Variants in TRPC4 observed in about 807,000 individuals in gnomAD.
The protein encoded by TRPC4 is transient receptor potential cation channel subfamily C member 4, also known as short transient receptor potential channel 4.
Under a neutral mutation model 99.4 loss-of-function variants are expected in TRPC4, and 49 were observed. The ratio of observed to expected loss-of-function variants is 0.49; its 90% CI spans 0.39 to 0.63. The LOEUF is 0.63. TRPC4 is among the 20% of genes least tolerant of loss of function. The probability of loss-of-function intolerance (pLI) is 0.00; values close to 1 mark genes in which losing one functional copy is unlikely to be tolerated. For synonymous variants in TRPC4, 454 were observed against 425.9 expected (o/e 1.07, Z -0.81); for missense variants, 898 against 1,152.9 (o/e 0.78, Z 3.20).
chr13:37,660,609 T>G (rs954617049), intron 6 of TRPC4, among the ~76,000 whole-genome samples: 2 of 152,162 alleles, frequency 1.3e-5, no homozygotes, highest in African/African-American at 4.8e-5. Flanking sequence ...TGAAACCTTA[T>G]GAGAGATATG....
chr13:37,793,344 G>A lies in TRPC4; in HGVS notation c.-27-9984C>T, dbSNP rs529585122. Among the ~76,000 whole-genome samples the A allele has an allele frequency of 1.4e-4, 22 of 152,084 alleles. No homozygotes were observed. In the South Asian group the frequency reaches 4.4e-3, roughly 30 times the overall value. ...GTACACGTGCACAATGTGCAGGTTT[G>A]TTACATATATATACATGTGCCATGT... On this transcript the variant is annotated intron_variant, in intron 1 of 10. Transcript: ENST00000379705.
At chr13:37,754,161 CT>C (rs1051473255) in intron 2 of TRPC4, among the ~76,000 whole-genome samples, 1 of 152,090 alleles carries the variant, frequency 6.6e-6, no homozygotes, top group Non-Finnish European at 1.5e-5. Context: ...AATGGGCTTG[CT>C]GCCCCTTTTC....
In TRPC4 at chr13:37,637,130, T is replaced by G. The variant is rs758509700; in HGVS notation, c.2707A>C (p.Ser903Arg). The change falls in exon 11 of 11, where the codon AGT becomes CGT. Residue 903 changes from serine (S) to arginine (R), a missense_variant. This residue lies in a region of TRPC4 where 346 missense variants were observed against 351.4 expected (regional missense o/e 0.98). Coordinates refer to ENST00000379705, the MANE Select transcript of TRPC4 (RefSeq NM_016179.4). ...TGGTCTACTAACACACATTGTTCAC[T>G]GAGACCGGGAATGCTCAGGTCACCC... is the stretch of plus-strand genomic sequence containing the variant. ...SRGDLSIPGL[S>R]EQCVLVDHRE... 1.6e-5 allele frequency: 26 copies of G among 1,613,724 alleles called. No individual in the cohort carries two copies. The highest frequency in any genetic ancestry group is 7.7e-5 in the South Asian group (7 of 91,084).
Position 37,783,293 on chromosome 13 carries a change from T to C in TRPC4, c.41A>G (p.Tyr14Cys), listed in dbSNP as rs1003174918. 1.9e-5 allele frequency: 31 copies of C among 1,599,086 alleles called. No homozygotes were observed. The highest frequency in any genetic ancestry group is 2.6e-5 in the Non-Finnish European group (31 of 1,174,518). The change falls in exon 2 of 11, where the codon TAT becomes TGT. Residue 14 changes from tyrosine to cysteine, a missense_variant. Physicochemically the swap from Tyr to Cys is radical, Grantham distance 194 (BLOSUM62 -2). Around this residue, in one of 3 missense-constraint regions of TRPC4, gnomAD observed 278 missense variants for 346.6 expected, o/e 0.80. Coordinates refer to ENST00000379705, the MANE Select transcript of TRPC4 (RefSeq NM_016179.4). ...FYYKRNVNAP[Y>C]RDRIPLRIVR... ...TATCCTTAGAGGGATGCGGTCTCTATAGGGAGCATTAACATTTCTTTTGTA... is the reference window on the plus strand; with the variant it reads ...TATCCTTAGAGGGATGCGGTCTCTACAGGGAGCATTAACATTTCTTTTGTA...
chr13:37,716,023 C>T (rs1292879518), intron 3 of TRPC4, among the ~76,000 whole-genome samples: 1 of 152,128 alleles, frequency 6.6e-6, no homozygotes, highest in Non-Finnish European at 1.5e-5. Flanking sequence ...TTTTAAGAGC[C>T]TCAAGACCTG....
rs772784345 is a variant in TRPC4 at position 37,651,324 on chromosome 13, A to G, written c.2020T>C (p.Trp674Arg). ...KSLWYLIKWI[W>R]THLCKKKMRR... ...ATCTTTTTCTTGCACAAGTGTGTCCAGATCCATTTGATCAGGTACCAGAGA... is the reference window on the plus strand; with the variant it reads ...ATCTTTTTCTTGCACAAGTGTGTCCGGATCCATTTGATCAGGTACCAGAGA... The change falls in exon 8 of 11, where the codon TGG (tryptophan) becomes CGG (arginine). Residue 674 changes from tryptophan (W) to arginine (R), a missense_variant. Physicochemically the swap from Trp to Arg is moderately radical, Grantham distance 101. Around this residue, in one of 3 missense-constraint regions of TRPC4, gnomAD observed 274 missense variants for 454.9 expected, o/e 0.60. Coordinates refer to ENST00000379705, the MANE Select transcript of TRPC4 (RefSeq NM_016179.4). The G allele has an allele frequency of 1.9e-6, 3 of 1,614,186 alleles. No individual in the cohort carries two copies. The highest frequency in any genetic ancestry group is 1.7e-5 in the Admixed American group (1 of 60,022).
In TRPC4 at chr13:37,674,136, T is replaced by C. The variant is rs1952960274; in HGVS notation, c.1374+92A>G. 4 of 1,244,504 alleles carry C rather than the reference T, an allele frequency of 3.2e-6. No homozygotes were observed. The South Asian group carries it at 8.1e-5, about 25-fold the overall frequency. The allele number at this position is 1,244,504 out of a possible 1,614,324, so 77.1% of individuals were successfully genotyped here. ...TGAATACGACATCCGGAAAAAGCTC[T>C]AGGTAACTTTATTAATAAAATTAAT... On this transcript the variant is annotated intron_variant, in intron 5 of 10. Coordinates refer to ENST00000379705, the MANE Select transcript of TRPC4 (RefSeq NM_016179.4).
At chr13:37,827,929 A>G (rs1446307597) in intron 1 of TRPC4, among the ~76,000 whole-genome samples, 5 of 151,986 alleles carry the variant, frequency 3.3e-5, no homozygotes, top group South Asian at 2.1e-4. Flanking sequence ...GCGAGACTCC[A>G]TGGGCGTAGG....
At chr13:37,779,543 T>A (rs1286868008) in intron 2 of TRPC4, among the ~76,000 whole-genome samples, 2 of 152,032 alleles carry the variant, frequency 1.3e-5, no homozygotes, top group Non-Finnish European at 2.9e-5. Flanking sequence ...ATCTTTTCAT[T>A]ACATGCTGCA....
At chr13:37,700,639 A>G (rs1954075875) in intron 3 of TRPC4, among the ~76,000 whole-genome samples, 1 of 152,134 alleles carries the variant, frequency 6.6e-6, no homozygotes, top group African/African-American at 2.4e-5. Flanking sequence ...TTTTAGAAAA[A>G]ATTAAATTGT....
At chr13:37,868,645 T>A (rs1275714118) in intron 1 of TRPC4, among the ~76,000 whole-genome samples, 3 of 151,786 alleles carry the variant, frequency 2.0e-5, no homozygotes, top group African/African-American at 7.3e-5. Context: ...TTTTTTTTTT[T>A]AATAAAACAA....
rs187988336 is a variant in TRPC4, at chr13:37,852,527, C to T, written c.-28+17068G>A. 7.2e-5 allele frequency among the ~76,000 whole-genome samples: 11 copies of T among 152,250 alleles called. No individual in the cohort carries two copies. In the East Asian group the frequency reaches 1.7e-3, roughly 24 times the overall value. Reference sequence around the variant, plus strand: ...AGACATGCTGGCTTCAGATGTGACCCAGAAGATTCCCAGCAATGGTGGCTA... The same window carrying T: ...AGACATGCTGGCTTCAGATGTGACCTAGAAGATTCCCAGCAATGGTGGCTA... On this transcript the variant is annotated intron_variant, in intron 1 of 10. Transcript: ENST00000379705.
chr13:37,780,089 C>T (rs1956801367), intron 2 of TRPC4, among the ~76,000 whole-genome samples: 1 of 152,052 alleles, frequency 6.6e-6, no homozygotes, highest in Non-Finnish European at 1.5e-5. Flanking sequence ...AGGACGAGGC[C>T]TGGCAGAGCA....
At chr13:37,665,534 G>A (rs1000446351) in intron 5 of TRPC4, among the ~76,000 whole-genome samples, 10 of 152,008 alleles carry the variant, frequency 6.6e-5, no homozygotes, top group South Asian at 2.1e-4. Flanking sequence ...TTCATAGCCC[G>A]GTGAGGCAGA....
intron 3 of TRPC4, among the ~76,000 whole-genome samples, chr13:37,715,251 A>G (rs1239325555): frequency 6.6e-6 from 1 of 152,214 alleles, no homozygotes; most frequent in East Asian, 1.9e-4. Flanking sequence ...CAAGAGCACA[A>G]TGCCATTTGC....
rs548754805 is a variant in TRPC4 at position 37,660,483 on chromosome 13, A to G, written c.1688+2933T>C. Among the ~76,000 whole-genome samples, 3 of 152,276 alleles carry G rather than the reference A, an allele frequency of 2.0e-5. No homozygotes were observed. In the South Asian group the frequency reaches 6.2e-4, roughly 32 times the overall value. On this transcript the variant is annotated intron_variant, in intron 6 of 10. Coordinates refer to ENST00000379705, the MANE Select transcript of TRPC4 (RefSeq NM_016179.4). ...GGTGAGAAAATAAGATATCTTGTAT[A>G]GGCTTCTTTTAGGTTTACTTGGATG... is the stretch of plus-strand genomic sequence containing the variant.
intron 3 of TRPC4, among the ~76,000 whole-genome samples, chr13:37,711,283 A>G (rs1447068593): frequency 6.6e-6 from 1 of 152,030 alleles, no homozygotes; most frequent in Non-Finnish European, 1.5e-5. Flanking sequence ...TAAATAGATG[A>G]TCATAGAAAT....
intron 4 of TRPC4, among the ~76,000 whole-genome samples, chr13:37,690,039 G>A (rs2138865762): frequency 6.6e-6 from 1 of 152,268 alleles, no homozygotes; most frequent in South Asian, 2.1e-4. Context: ...TTTTCAAAAT[G>A]AAATGTTCTG....
chr13:37,807,325 A>C (rs2139456754), intron 1 of TRPC4, among the ~76,000 whole-genome samples: 1 of 152,212 alleles, frequency 6.6e-6, no homozygotes, highest in African/African-American at 2.4e-5. Context: ...CATTTGGATT[A>C]GAAATAGATC....
Sources: gnomAD v4.1 joint callset for allele counts (sites outside exome capture counted in the v4.1 genomes callset) on GRCh38, gnomAD v4.1.1 for gene constraint, gnomAD v4.1.1 regional missense constraint, MANE v1.5 for transcripts, NCBI Gene and HGNC (gene_info 2026-07-23, HGNC 2026-07-21) for gene names.